The following YAE1 variants were observed in gnomAD, a reference collection of about 807,000 sequenced individuals.
The protein encoded by YAE1 is protein YAE1 homolog.
A neutral mutation model predicts 23.0 loss-of-function variants in YAE1; 22 were observed. That is an observed-to-expected ratio of 0.96 (90% CI 0.68 to 1.37). YAE1 has a LOEUF of 1.37. Among genes scored for constraint, YAE1 ranks in the 40% most tolerant of loss-of-function variants. YAE1 has a pLI of 0.00. For missense variants in YAE1, 260 were observed against 262.1 expected, an observed-to-expected ratio of 0.99 and a Z score of 0.06; for synonymous variants, 101 against 97.0, an observed-to-expected ratio of 1.04 and a Z score of -0.24.
chr7:39,602,905 C>G (rs1388219705), intron 2 of YAE1, among the ~76,000 whole-genome samples: 1 of 152,096 alleles, frequency 6.6e-6, no homozygotes, highest in East Asian at 1.9e-4. Flanking sequence ...TGCGCCACCA[C>G]ACCTGGCTAA....
chr7:39,568,258 A>AATAT (rs531569572), intron 1 of YAE1, among the ~76,000 whole-genome samples: 1 of 149,956 alleles, frequency 6.7e-6, no homozygotes, highest in Non-Finnish European at 1.5e-5. Context: ...GATAATAATA[A>AATAT]ATATATATAT....
chr7:39,584,809 A>G (rs1297883848), intron 2 of YAE1, among the ~76,000 whole-genome samples: 3 of 152,226 alleles, frequency 2.0e-5, no homozygotes, highest in African/African-American at 7.2e-5. Context: ...GTTTGATGCC[A>G]GGAGTTTGAG....
chr7:39,575,537 GGAGAGAGA>G (rs56954676), downstream of YAE1, among the ~76,000 whole-genome samples: 14,146 of 131,096 alleles, frequency 0.11, 949 homozygotes, highest in African/African-American at 0.23. Flanking sequence ...CTAAGATACA[GGAGAGAGA>G]GAGAGAGAGA....
At chr7:39,567,864 T>C (rs1790499253) in intron 1 of YAE1, among the ~76,000 whole-genome samples, 1 of 152,178 alleles carries the variant, frequency 6.6e-6, no homozygotes, top group Non-Finnish European at 1.5e-5. Context: ...GTTGATTCAT[T>C]GTATTTATGG....
At chr7:39,579,868 C>A (rs929679203) in intron 2 of YAE1, among the ~76,000 whole-genome samples, 3 of 151,900 alleles carry the variant, frequency 2.0e-5, no homozygotes, top group African/African-American at 7.3e-5. Flanking sequence ...GGCAACATGG[C>A]AAAAGCCTGT....
At chr7:39,574,197 A>G (rs536193969), downstream of YAE1, among the ~76,000 whole-genome samples, 37 of 152,324 alleles carry the variant, frequency 2.4e-4, no homozygotes, top group South Asian at 7.5e-3. Flanking sequence ...ACCATTGGCT[A>G]CATATGGTGT....
intron 2 of YAE1, among the ~76,000 whole-genome samples, chr7:39,603,206 G>C (rs1458773045): frequency 1.3e-5 from 2 of 152,002 alleles, no homozygotes; most frequent in Non-Finnish European, 2.9e-5. Context: ...CTGGAGTGCA[G>C]TGGCGCGATC....
downstream of YAE1, among the ~76,000 whole-genome samples, chr7:39,575,575 A>AGAGTGAGAGAGAGAGAGT (rs1790643941): frequency 4.9e-5 from 4 of 81,782 alleles, no homozygotes; most frequent in African/African-American, 2.9e-4. Flanking sequence ...AGAGAGAGAG[A>AGAGTGAGAGAGAGAGAGT]GAGTGAGTGT....
chr7:39,569,375 A>G lies in YAE1; in HGVS notation c.130-1131A>G, dbSNP rs1396283048. The G allele has an allele frequency of 3.4e-5, 14 of 409,300 alleles. No individual in the cohort carries two copies. The East Asian group carries it at 7.2e-4, about 21-fold the overall frequency. The allele number at this position is 409,300 out of a possible 1,614,324, so 25.4% of individuals were successfully genotyped here. ...ATCATGATATTAAGATAACTATACA[A>G]TTTATCTGTGACCAGTGATGGACCC... On this transcript the variant is annotated intron_variant, in intron 1 of 2. Coordinates refer to ENST00000223273, the MANE Select transcript of YAE1 (RefSeq NM_020192.5).
At chr7:39,574,935 T>C (rs115042644), downstream of YAE1, among the ~76,000 whole-genome samples, 840 of 152,212 alleles carry the variant, frequency 5.5e-3, 5 homozygotes, top group African/African-American at 0.019. Flanking sequence ...GTTCCTGGAC[T>C]GCAGAGGAAT....
At chr7:39,602,882 G>C (rs966657141) in intron 2 of YAE1, among the ~76,000 whole-genome samples, 15 of 152,134 alleles carry the variant, frequency 9.9e-5, no homozygotes, top group African/African-American at 3.4e-4. Flanking sequence ...CCGAGTAGCT[G>C]GGATTACAGG....
At chr7:39,598,092 G>C (rs1337612207) in intron 2 of YAE1, among the ~76,000 whole-genome samples, 2 of 151,694 alleles carry the variant, frequency 1.3e-5, no homozygotes, top group Non-Finnish European at 2.9e-5. Context: ...TTACAGGCAT[G>C]AGCCACCATG....
chr7:39,602,476 A>G (rs1791067598), intron 2 of YAE1, among the ~76,000 whole-genome samples: 1 of 152,244 alleles, frequency 6.6e-6, no homozygotes, highest in African/African-American at 2.4e-5. Flanking sequence ...TTAGCATCAG[A>G]AAAAGATTCA....
intron 1 of YAE1, among the ~76,000 whole-genome samples, chr7:39,567,499 G>A (rs1790491951): frequency 6.6e-6 from 1 of 151,456 alleles, no homozygotes; most frequent in East Asian, 1.9e-4. Flanking sequence ...TCTCTGCTTT[G>A]CCCTGTCTCC....
chr7:39,598,185 C>G (rs1012663893), intron 2 of YAE1, among the ~76,000 whole-genome samples: 17 of 152,002 alleles, frequency 1.1e-4, no homozygotes, highest in African/African-American at 3.6e-4. Context: ...TCTTAGCTCA[C>G]TGCAACTTCC....
chr7:39,589,778 G>A (rs1429313464), intron 2 of YAE1, among the ~76,000 whole-genome samples: 2 of 152,156 alleles, frequency 1.3e-5, no homozygotes, highest in African/African-American at 4.8e-5. Flanking sequence ...GACTTATGAA[G>A]GGCAATTCCA....
chr7:39,587,219 A>C (rs999738122), intron 2 of YAE1, among the ~76,000 whole-genome samples: 1 of 151,588 alleles, frequency 6.6e-6, no homozygotes, highest in African/African-American at 2.4e-5. Context: ...ATCACACCCA[A>C]CTAATTTTTG....
rs377451665 is a variant in YAE1 at position 39,583,313 on chromosome 7, T to A, written c.251+12686T>A. On this transcript the variant is annotated intron_variant, in intron 2 of 2. Transcript: ENST00000432096. The stretch of plus-strand genomic sequence containing the variant: ...AGTGCCTGCTCTTAACAAAATAAAG[T>A]TCTTTATTGCATTTGTCACAATATT... 1.1e-3 allele frequency among the ~76,000 whole-genome samples: 170 copies of A among 152,336 alleles called. 1 individual carries two copies. Among genetic ancestry groups the A allele is most frequent in the African/African-American group, 3.8e-3 (159 of 41,576 alleles).
At chr7:39,581,938 T>A (rs1044287690) in intron 2 of YAE1, among the ~76,000 whole-genome samples, 44 of 152,106 alleles carry the variant, frequency 2.9e-4, no homozygotes, top group African/African-American at 9.4e-4. Flanking sequence ...AGTTAATTTT[T>A]TTTTTAAGAG....
Sources: gnomAD v4.1 joint callset for allele counts (sites outside exome capture counted in the v4.1 genomes callset) on GRCh38, gnomAD v4.1.1 for gene constraint, MANE v1.5 for transcripts, NCBI Gene and HGNC (gene_info 2026-07-23, HGNC 2026-07-21) for gene names.